The following TLN1 variants were observed in gnomAD, a reference collection of about 807,000 sequenced individuals.
TLN1 encodes the protein talin-1.
Under a neutral mutation model 292.3 loss-of-function variants are expected in TLN1, and 56 were observed. The ratio of observed to expected loss-of-function variants is 0.19; its 90% CI spans 0.15 to 0.24. The LOEUF (loss-of-function observed/expected upper bound fraction) is 0.24, where lower values mean the gene tolerates loss of function less well. TLN1 is among the 10% of genes least tolerant of loss of function. The pLI is 1.00. For synonymous variants in TLN1, 1,119 were observed against 1,253.7 expected, an observed-to-expected ratio of 0.89 and a Z score of 2.27; for missense variants, 2,433 against 3,248.2, an observed-to-expected ratio of 0.75 and a Z score of 6.10.
Position 35,719,225 on chromosome 9 carries a change from G to C in TLN1, c.1745C>G (p.Ser582Cys). The change falls in exon 16 of 57, where the codon TCC (serine) becomes TGC (cysteine). Residue 582 changes from serine to cysteine, a missense_variant. Physicochemically the swap from Ser to Cys is moderately radical, Grantham distance 112. Around this residue, in one of 7 missense-constraint regions of TLN1, gnomAD observed 617 missense variants for 770.6 expected, o/e 0.80. Coordinates refer to ENST00000314888, the MANE Select transcript of TLN1 (RefSeq NM_006289.4). The surrounding 1 kb of genome is among the most constrained non-coding windows in gnomAD (Gnocchi z 4.6). Reference sequence around the variant, plus strand: ...CCCACGGGACATCTCCGTCAGGTTGGAGGAGATTGTGGTGACTGCACAGCC... The same window carrying C: ...CCCACGGGACATCTCCGTCAGGTTGCAGGAGATTGTGGTGACTGCACAGCC... Reference protein sequence around the residue: ...AVGCAVTTISSNLTEMSRGVK... With the variant: ...AVGCAVTTISCNLTEMSRGVK... 6.2e-7 allele frequency: 1 copy of C among 1,614,202 alleles called. No individual in the cohort carries two copies.
In TLN1 at chr9:35,705,943, G is replaced by A. The variant is rs761158801; in HGVS notation, c.5511+19C>T. 1 of 1,614,112 alleles carries A rather than the reference G, an allele frequency of 6.2e-7. No homozygotes were observed. The highest frequency in any genetic ancestry group is 1.1e-5 in the South Asian group (1 of 91,082). On this transcript the variant is annotated intron_variant, in intron 41 of 56. Transcript: ENST00000314888. ...GCCCAGGGTAGCCTCAGTGTCCAAA[G>A]GCACCCCAAGACTCTAACCTGGTTG...
In TLN1 at chr9:35,717,138, T is replaced by C. The variant is rs142090240; in HGVS notation, c.2458+8A>G. On this transcript the variant is annotated splice_region_variant and intron_variant, in intron 19 of 56. Coordinates refer to ENST00000314888, the MANE Select transcript of TLN1 (RefSeq NM_006289.4). The surrounding 1 kb of genome is among the most constrained non-coding windows in gnomAD (Gnocchi z 4.7). The stretch of plus-strand genomic sequence containing the variant: ...GGTTTTTTGTTTTCCTGGGGGTGCG[T>C]GTCTTACCAGCATCACCCATGGAGC... 23,451 of 1,590,010 alleles carry C rather than the reference T, an allele frequency of 0.015. 294 individuals are homozygous for C. The highest frequency in any genetic ancestry group is 0.038 in the Admixed American group (2,254 of 58,836).
In TLN1 at chr9:35,707,306, G is replaced by A. The variant is rs745639957; in HGVS notation, c.4773+42C>T. On this transcript the variant is annotated intron_variant, in intron 36 of 56. Transcript: ENST00000314888. This position sits in a 1 kb window ranked among gnomAD's most constrained non-coding sequence, Gnocchi z 5.6. The stretch of plus-strand genomic sequence containing the variant: ...GTCTCAGGAGTCCCTGGAAGATGAG[G>A]TGATAAGCTGGCCCATCAGTTCCCC... 35 of 1,610,074 alleles carry A rather than the reference G, an allele frequency of 2.2e-5. No homozygotes were observed. In the Middle Eastern group the frequency reaches 2.0e-3, roughly 91 times the overall value.
chr9:35,712,874 G>A lies in TLN1; in HGVS notation c.3522C>T (p.Gly1174=), dbSNP rs1825700722. The change falls in exon 27 of 57, where the codon GGC becomes GGT. Residue 1174 remains glycine (G), a synonymous_variant. Transcript: ENST00000314888. ...GCTGGCTCTCAGGGTCCCCTGGATG[G>A]CCAGCTGCCTTTTTCGCCTCCTCAA... The part of the protein sequence containing the change: ...SLIEEAKKAA[G]HPGDPESQQR... The A allele has an allele frequency of 3.8e-6, 6 of 1,595,136 alleles. No individual in the cohort carries two copies. The highest frequency in any genetic ancestry group is 5.1e-6 in the Non-Finnish European group (6 of 1,169,974).
In TLN1 at chr9:35,699,548, A is replaced by G. The variant is rs1825426956; in HGVS notation, c.6769-87T>C. On this transcript the variant is annotated intron_variant, in intron 50 of 56. Transcript: ENST00000314888. This position sits in a 1 kb window ranked among gnomAD's most constrained non-coding sequence, Gnocchi z 4.0. ...AAATAGGGCAGACCATGGCCCCCTC[A>G]CCCCTATCCCTAGAGCACTCCACAC... is the stretch of plus-strand genomic sequence containing the variant. 1 of 1,490,172 alleles carries G rather than the reference A, an allele frequency of 6.7e-7. No homozygotes were observed. The highest frequency in any genetic ancestry group is 1.4e-5 in the African/African-American group (1 of 71,662). 92.3% of individuals were successfully genotyped at this position (1,490,172 alleles called of 1,614,324 possible).
At chr9:35,708,563 G>C in intron 33 of TLN1, 79 bp from the exon 34 acceptor site, 2 of 1,377,154 alleles carry the variant, frequency 1.5e-6, no homozygotes, top group Non-Finnish European at 1.9e-6. Context: ...GGACAAAAGA[G>C]AGCAGAGGTA....
chr9:35,721,986 C>T lies in TLN1; in HGVS notation c.948+133G>A. On this transcript the variant is annotated intron_variant, in intron 9 of 56. Transcript: ENST00000314888. ...GATGACAGGCAGGTTTTCATGAGGTCAGAGCAAGGAAGAGAATGGGAATCT... is the reference window on the plus strand; with the variant it reads ...GATGACAGGCAGGTTTTCATGAGGTTAGAGCAAGGAAGAGAATGGGAATCT... 2.6e-6 allele frequency: 3 copies of T among 1,150,582 alleles called. No individual in the cohort carries two copies. The South Asian group carries it at 4.0e-5, about 15-fold the overall frequency. The allele number at this position is 1,150,582 out of a possible 1,614,324, so 71.3% of individuals were successfully genotyped here.
At chr9:35,725,774 A>G in intron 1 of TLN1, 47 bp from the exon 2 acceptor site, 1 of 1,549,198 alleles carries the variant, frequency 6.5e-7, no homozygotes, top group Non-Finnish European at 8.8e-7. Flanking sequence ...CTGGTGGGAG[A>G]AGAGGCCCCC....
chr9:35,700,148 CTGGCCCAA>C (rs749110540), intron 49 of TLN1, 35 bp downstream of exon 49: 8 of 1,593,252 alleles, frequency 5.0e-6, no homozygotes, highest in Non-Finnish European at 6.9e-6. Flanking sequence ...CCACTATGTT[CTGGCCCAA>C]AGCTGCCTCA....
rs773420949 is a variant in TLN1 at position 35,717,305 on chromosome 9, C to T, written c.2299G>A (p.Val767Ile). ...ATEDGQLLRG[V>I]GAAATAVTQA... is the part of the protein sequence containing the mutation. ...GTGACAGCTGTGGCTGCTGCTCCTA[C>T]CCCTCGCAACAGTTGCCCATCCTCT... The change falls in exon 19 of 57, where the codon GTA (valine) becomes ATA (isoleucine). Residue 767 changes from valine (V) to isoleucine (I), a missense_variant. Physicochemically the swap from Val to Ile is conservative, Grantham distance 29. Coordinates refer to ENST00000314888, the MANE Select transcript of TLN1 (RefSeq NM_006289.4). The surrounding 1 kb of genome is among the most constrained non-coding windows in gnomAD (Gnocchi z 4.7). 7 of 1,614,166 alleles carry T rather than the reference C, an allele frequency of 4.3e-6. No individual in the cohort carries two copies. The highest frequency in any genetic ancestry group is 5.1e-6 in the Non-Finnish European group (6 of 1,180,036).
In TLN1 at chr9:35,721,843, G is replaced by A. The variant is rs970196773; in HGVS notation, c.949-40C>T. ...TTGGTGTTGGTGTTACAGGTCAGAG[G>A]TCAAATGAGAGGTGAATGATCAGAT... On this transcript the variant is annotated intron_variant, in intron 9 of 56. Coordinates refer to ENST00000314888, the MANE Select transcript of TLN1 (RefSeq NM_006289.4). 1.9e-6 allele frequency: 3 copies of A among 1,598,028 alleles called. No homozygotes were observed. The African/African-American group carries it at 4.0e-5, about 21-fold the overall frequency.
chr9:35,717,777 T>C lies in TLN1; in HGVS notation c.2005A>G (p.Met669Val). The C allele has an allele frequency of 6.2e-7, 1 of 1,600,604 alleles. No homozygotes were observed. Among genetic ancestry groups the C allele is most frequent in the Non-Finnish European group, 8.5e-7 (1 of 1,169,724 alleles). ...DTDPHFQDAL[M>V]QLAKAVASAA... is the part of the protein sequence containing the mutation. ...CTTGCCACAGCTTTGGCGAGCTGCA[T>C]TAGCGCATCCTGTGAGAAAACAGCA... The change falls in exon 18 of 57, where the codon ATG becomes GTG. Residue 669 changes from methionine to valine, a missense_variant. Coordinates refer to ENST00000314888, the MANE Select transcript of TLN1 (RefSeq NM_006289.4). The surrounding 1 kb of genome is among the most constrained non-coding windows in gnomAD (Gnocchi z 4.7).
chr9:35,710,963 A>G (rs1587981802), intron 31 of TLN1, 26 bp downstream of exon 31: 1 of 1,613,946 alleles, frequency 6.2e-7, no homozygotes, highest in South Asian at 1.1e-5. Flanking sequence ...CTCAACCTCA[A>G]TGCCATCAGC....
chr9:35,708,984 AT>A (rs1328918811), intron 33 of TLN1, among the ~76,000 whole-genome samples: 1 of 152,266 alleles, frequency 6.6e-6, no homozygotes, highest in Non-Finnish European at 1.5e-5. Flanking sequence ...TTAAAAAGCC[AT>A]TTTTATGATG....
At position 35,699,482 on chromosome 9, in the gene TLN1, G is replaced by A. The variant is rs1406276394; in HGVS notation, c.6769-21C>T. ...AGGGTCTGGGCAAGAAGCGGGCAGGGGACAAAGAGCATCACATCTTAGGGT... is the reference window on the plus strand; with the variant it reads ...AGGGTCTGGGCAAGAAGCGGGCAGGAGACAAAGAGCATCACATCTTAGGGT... On this transcript the variant is annotated intron_variant, in intron 50 of 56. Coordinates refer to ENST00000314888, the MANE Select transcript of TLN1 (RefSeq NM_006289.4). The surrounding 1 kb of genome is among the most constrained non-coding windows in gnomAD (Gnocchi z 4.0). 1.2e-6 allele frequency: 2 copies of A among 1,603,772 alleles called. No individual in the cohort carries two copies. Among genetic ancestry groups the A allele is most frequent in the South Asian group, 1.1e-5 (1 of 89,222 alleles).
In TLN1 at chr9:35,700,004, G is replaced by A. The variant is rs1825434767; in HGVS notation, c.6738C>T (p.Gly2246=). The A allele has an allele frequency of 6.2e-7, 1 of 1,613,330 alleles. No homozygotes were observed. Among genetic ancestry groups the A allele is most frequent in the Non-Finnish European group, 8.5e-7 (1 of 1,179,496 alleles). ...GTACATGGTCCAGCAGTTCCAGGTAGCCATTGGCACACTCCCGGCCATAGT... is the reference window on the plus strand; with the variant it reads ...GTACATGGTCCAGCAGTTCCAGGTAACCATTGGCACACTCCCGGCCATAGT... ...ALHYGRECAN[G]YLELLDHVLL... The change falls in exon 50 of 57, where the codon GGC becomes GGT. Residue 2246 remains glycine, a synonymous_variant. Coordinates refer to ENST00000314888, the MANE Select transcript of TLN1 (RefSeq NM_006289.4).
intron 8 of TLN1, among the ~76,000 whole-genome samples, 161 bp downstream of exon 8, chr9:35,722,700 C>T (rs992941351): frequency 6.6e-6 from 1 of 152,204 alleles, no homozygotes; most frequent in Non-Finnish European, 1.5e-5. Flanking sequence ...ACTAAAAGCC[C>T]AAGCTGTCTG....
intron 29 of TLN1, 65 bp downstream of exon 29, chr9:35,711,530 A>T: frequency 6.2e-7 from 1 of 1,609,594 alleles, no homozygotes; most frequent in East Asian, 2.2e-5. Flanking sequence ...AGGACTGGTC[A>T]CTCAACTGCC....
In TLN1 at chr9:35,724,687, C is replaced by G; in HGVS notation, c.396G>C (p.Glu132Asp). 1 of 1,614,180 alleles carries G rather than the reference C, an allele frequency of 6.2e-7. No homozygotes were observed. Residue 132 changes from glutamate to aspartate, a missense_variant, in exon 5 of 57, where the codon GAG becomes GAC. Physicochemically the swap from Glu to Asp is conservative, Grantham distance 45 (BLOSUM62 2). Transcript: ENST00000314888. This position sits in a 1 kb window ranked among gnomAD's most constrained non-coding sequence, Gnocchi z 4.7. ...TTTCCTCCTTTTTCTCTTCCATCAG[C>G]TCTCGAACCAATGAATATTCATCAT... Reference protein sequence around the residue: ...TNHDEYSLVRELMEEKKEEIT... With the variant: ...TNHDEYSLVRDLMEEKKEEIT...
Sources: gnomAD v4.1 joint callset for allele counts (sites outside exome capture counted in the v4.1 genomes callset) on GRCh38, gnomAD v4.1.1 for gene constraint, gnomAD v4.1.1 regional missense constraint, Gnocchi (gnomAD v3.1) non-coding constraint, MANE v1.5 for transcripts, NCBI Gene and HGNC (gene_info 2026-07-23, HGNC 2026-07-21) for gene names.